SNUPN: variants seen among roughly 807,000 people sequenced by gnomAD.
The protein encoded by SNUPN is snurportin 1.
Under a neutral mutation model 39.2 loss-of-function variants are expected in SNUPN, and 31 were observed. That is an observed-to-expected ratio of 0.79 (90% confidence interval 0.59 to 1.07). SNUPN has a LOEUF of 1.07. Ranked by LOEUF, SNUPN falls within the 50% of genes least tolerant of loss-of-function variation. SNUPN has a pLI of 0.00. For missense variants in SNUPN, 382 were observed against 434.2 expected, an observed-to-expected ratio of 0.88 and a Z score of 1.07; for synonymous variants, 132 against 159.0, an observed-to-expected ratio of 0.83 and a Z score of 1.28.
At chr15:75,604,745 T>C (rs1251334485) in intron 7 of SNUPN, among the ~76,000 whole-genome samples, 1 of 152,210 alleles carries the variant, frequency 6.6e-6, no homozygotes, top group Non-Finnish European at 1.5e-5. Context: ...TTAGTTATTA[T>C]TACTTCAATA....
Position 75,605,295 on chromosome 15 carries a change from A to G in SNUPN, c.601-68T>C, listed in dbSNP as rs879142660. The stretch of plus-strand genomic sequence containing the variant: ...TTCAAACTCTAATATAAACAAAAAC[A>G]CCCCATGCTATTTTTTTTTTTTTTT... On this transcript the variant is annotated intron_variant, in intron 6 of 8. Coordinates refer to ENST00000308588, the MANE Select transcript of SNUPN (RefSeq NM_005701.4). 8.8e-6 allele frequency: 7 copies of G among 798,048 alleles called. No individual in the cohort carries two copies. In the African/African-American group the frequency reaches 9.3e-5, roughly 11 times the overall value. The allele number at this position is 798,048 out of a possible 1,614,324, so 49.4% of individuals were successfully genotyped here.
chr15:75,607,388 C>T (rs2075339478), intron 5 of SNUPN, 75 bp from the exon 6 acceptor site: 2 of 970,446 alleles, frequency 2.1e-6, no homozygotes, highest in Non-Finnish European at 3.3e-6. Context: ...CCTAGGGAGC[C>T]CCATCCCAGA....
upstream of SNUPN, chr15:75,625,797 G>C (rs546917557): frequency 2.7e-4 from 41 of 151,984 alleles, no homozygotes; most frequent in African/African-American, 9.4e-4. Flanking sequence ...CTCGCGCCCT[G>C]AGTTTCCGGC....
chr15:75,617,594 T>C lies in SNUPN; in HGVS notation c.159-42A>G, dbSNP rs1039464058. The C allele has an allele frequency of 2.6e-5, 32 of 1,241,674 alleles. No individual in the cohort carries two copies. The African/African-American group carries it at 2.8e-4, about 11-fold the overall frequency. 76.9% of individuals were successfully genotyped at this position (1,241,674 alleles called of 1,614,324 possible). On this transcript the variant is annotated intron_variant, in intron 2 of 8. Transcript: ENST00000308588. ...GGCATAAGGACATATCTTTTCTTCT[T>C]TTTTTTTTTTTAGACAGGGTCTCGC...
At chr15:75,600,909 G>C (rs1339578306) in intron 8 of SNUPN, 4 of 441,278 alleles carry the variant, frequency 9.1e-6, no homozygotes, top group African/African-American at 8.0e-5. Context: ...TGAGGGAGTT[G>C]GACGAGCTGT....
intron 3 of SNUPN, among the ~76,000 whole-genome samples, chr15:75,612,037 C>CTTT (rs60411925): frequency 1.1e-4 from 16 of 139,616 alleles, no homozygotes; most frequent in Non-Finnish European, 1.7e-4. Context: ...CCTTTTTTTC[C>CTTT]TTTTTTTTTT....
At chr15:75,611,786 T>C (rs1215293164) in intron 3 of SNUPN, among the ~76,000 whole-genome samples, 2 of 151,710 alleles carry the variant, frequency 1.3e-5, no homozygotes, top group Non-Finnish European at 2.9e-5. Context: ...AGCTGGGAGA[T>C]GGAGGTTGCA....
intron 7 of SNUPN, among the ~76,000 whole-genome samples, chr15:75,602,294 G>A (rs1355962774): frequency 2.6e-5 from 4 of 152,096 alleles, no homozygotes; most frequent in East Asian, 1.9e-4. Context: ...TTGGGAGGCC[G>A]AGAAGGGCGG....
intron 3 of SNUPN, among the ~76,000 whole-genome samples, chr15:75,613,530 C>T (rs896637742): frequency 6.6e-5 from 10 of 150,648 alleles, no homozygotes; most frequent in Admixed American, 4.6e-4. Context: ...GTAGTCCCAG[C>T]TACTCGGGAG....
chr15:75,600,965 G>A (rs1393424570), intron 8 of SNUPN, 173 bp downstream of exon 8: 2 of 573,598 alleles, frequency 3.5e-6, no homozygotes, highest in Admixed American at 2.6e-5. Flanking sequence ...TATCCAGCAT[G>A]GGTGGAGCTC....
At chr15:75,599,319 AAC>A (rs2075266766) in intron 8 of SNUPN, among the ~76,000 whole-genome samples, 1 of 152,326 alleles carries the variant, frequency 6.6e-6, no homozygotes, top group Admixed American at 6.5e-5. Flanking sequence ...ACCTCCTTAA[AAC>A]ACACAGTGAG....
At chr15:75,624,924 C>T (rs1893180370) in intron 1 of SNUPN, 1 of 228,360 alleles carries the variant, frequency 4.4e-6, no homozygotes, top group East Asian at 1.2e-4. Flanking sequence ...AGGCACGCGC[C>T]ACAACGCCCG....
intron 1 of SNUPN, among the ~76,000 whole-genome samples, chr15:75,623,925 ATTT>A (rs144317163): frequency 8.4e-5 from 10 of 118,388 alleles, no homozygotes; most frequent in Admixed American, 2.7e-4. Context: ...TCATGATAAA[ATTT>A]TTTTTTTTTT....
rs917133348 is a variant in SNUPN, at chr15:75,617,618, G to A, written c.159-66C>T. ...TTTTTTTTTTTTTAGACAGGGTCTCGCTCTGTTGCCCAGGCTGGAATGGTG... is the reference window on the plus strand; with the variant it reads ...TTTTTTTTTTTTTAGACAGGGTCTCACTCTGTTGCCCAGGCTGGAATGGTG... On this transcript the variant is annotated intron_variant, in intron 2 of 8. Transcript: ENST00000308588. 81 of 1,513,676 alleles carry A rather than the reference G, an allele frequency of 5.4e-5. 1 individual carries two copies. Among genetic ancestry groups the A allele is most frequent in the South Asian group, 9.2e-5 (7 of 75,962 alleles). 93.8% of individuals were successfully genotyped at this position (1,513,676 alleles called of 1,614,324 possible). A position where few individuals can be genotyped will look rare whatever the true frequency, so the allele number is the denominator to read the frequency against.
At chr15:75,618,736 G>A (rs1324383824) in intron 2 of SNUPN, among the ~76,000 whole-genome samples, 1 of 152,062 alleles carries the variant, frequency 6.6e-6, no homozygotes, top group Non-Finnish European at 1.5e-5. Context: ...AAGCACAATG[G>A]TCTTTTATCT....
At chr15:75,622,160 C>T (rs1304524895) in intron 1 of SNUPN, among the ~76,000 whole-genome samples, 3 of 152,218 alleles carry the variant, frequency 2.0e-5, no homozygotes, top group African/African-American at 4.8e-5. Flanking sequence ...GCCAGTAGTT[C>T]AAGACCAACC....
intron 2 of SNUPN, among the ~76,000 whole-genome samples, chr15:75,618,053 C>G (rs1319337087): frequency 2.0e-5 from 3 of 152,068 alleles, no homozygotes; most frequent in Non-Finnish European, 2.9e-5. Flanking sequence ...ATAGCGAAAC[C>G]CCCTCTGAAT....
chr15:75,609,380 G>A (rs997251892), intron 5 of SNUPN, among the ~76,000 whole-genome samples, 178 bp downstream of exon 5: 8 of 151,256 alleles, frequency 5.3e-5, no homozygotes, highest in South Asian at 2.1e-4. Context: ...TAGTAGAGAC[G>A]GGGTTTCACC....
At chr15:75,619,135 C>G (rs1893008244) in intron 2 of SNUPN, among the ~76,000 whole-genome samples, 1 of 150,550 alleles carries the variant, frequency 6.6e-6, no homozygotes, top group African/African-American at 2.4e-5. Flanking sequence ...AGTTCAAGAC[C>G]AGCTTGGGCA....
Sources: allele counts gnomAD v4.1 joint callset (sites outside exome capture counted in the v4.1 genomes callset), GRCh38; gene constraint gnomAD v4.1.1; transcripts MANE v1.5; gene names NCBI Gene and HGNC (gene_info 2026-07-23, HGNC 2026-07-21).